The following PCDH11X variants were observed in gnomAD, a reference collection of about 807,000 sequenced individuals.
The protein encoded by PCDH11X is protocadherin 11 X-linked, also known as protocadherin-11 X-linked.
Under a neutral mutation model 53.3 loss-of-function variants are expected in PCDH11X, and 18 were observed. The observed-to-expected ratio is 0.34, with a 90% CI of 0.23 to 0.50. PCDH11X has a LOEUF of 0.50. PCDH11X is among the 20% of genes least tolerant of loss of function. PCDH11X has a pLI of 0.98. For synonymous variants in PCDH11X, 279 were observed against 393.3 expected (o/e 0.71, Z 3.44); for missense variants, 570 against 1,032.4 (o/e 0.55, Z 6.14).
intron 4 of PCDH11X, among the ~76,000 whole-genome samples, chrX:91,825,413 A>G (rs1380911502): frequency 1.8e-5 from 2 of 111,754 alleles, no homozygotes; most frequent in Non-Finnish European, 3.8e-5. Flanking sequence ...AAAGCACAGT[A>G]TTCGGGTGGG....
intron 10 of PCDH11X, among the ~76,000 whole-genome samples, chrX:92,544,059 C>A (rs1344872750): frequency 9.2e-6 from 1 of 108,132 alleles, no homozygotes; most frequent in Admixed American, 1.0e-4. Context: ...AACTAGTATG[C>A]TCGGGGGTTA....
rs1603295653 is a variant in PCDH11X at position 92,382,920 on chromosome X, C to T, written c.3145-4815C>T. Among the ~76,000 whole-genome samples the T allele has an allele frequency of 3.7e-5, 4 of 109,377 alleles. No individual in the cohort carries two copies. The Admixed American group carries it at 3.9e-4, about 11-fold the overall frequency. The allele number at this position is 109,377 out of a possible 115,157, so 95.0% of individuals were successfully genotyped here. On this transcript the variant is annotated intron_variant, in intron 8 of 10. Coordinates refer to ENST00000682573, the MANE Select transcript of PCDH11X (RefSeq NM_032968.5). ...AATGTAGTAGCCCTTTTATACTGCACAATAATTATCTTTAACCAGCTTTTC... is the reference window on the plus strand; with the variant it reads ...AATGTAGTAGCCCTTTTATACTGCATAATAATTATCTTTAACCAGCTTTTC...
At chrX:92,563,370 T>A (rs1357371783) in intron 10 of PCDH11X, among the ~76,000 whole-genome samples, 1 of 108,364 alleles carries the variant, frequency 9.2e-6, no homozygotes, top group African/African-American at 3.4e-5. Context: ...AATCCTTTTA[T>A]GAGAAATCTT....
At chrX:92,449,614 G>A (rs2072737284) in intron 9 of PCDH11X, among the ~76,000 whole-genome samples, 1 of 111,780 alleles carries the variant, frequency 8.9e-6, no homozygotes, top group Non-Finnish European at 1.9e-5. Context: ...TAATGATAGA[G>A]CATGGGTTAA....
At chrX:92,520,017 G>A (rs1330934899) in intron 10 of PCDH11X, among the ~76,000 whole-genome samples, 1 of 106,413 alleles carries the variant, frequency 9.4e-6, no homozygotes, top group Non-Finnish European at 1.9e-5. Context: ...AGAGGAGATA[G>A]GATAATTAGA....
chrX:92,217,482 C>A (rs201245866), intron 7 of PCDH11X, among the ~76,000 whole-genome samples: 17,948 of 97,896 alleles, frequency 0.18, 1,315 homozygotes, highest in Admixed American at 0.33. Context: ...GTAAAGGGAT[C>A]AATTCAACAA....
At chrX:92,489,515 C>T (rs1603344525) in intron 10 of PCDH11X, among the ~76,000 whole-genome samples, 2 of 109,698 alleles carry the variant, frequency 1.8e-5, no homozygotes, top group East Asian at 2.9e-4. Context: ...TCTTCTTGGG[C>T]AGAGCCAAGT....
At chrX:92,523,411 G>A (rs777147934) in intron 10 of PCDH11X, among the ~76,000 whole-genome samples, 1 of 112,116 alleles carries the variant, frequency 8.9e-6, no homozygotes, top group South Asian at 3.7e-4. Context: ...GTGTTAGAGA[G>A]CTGTGAGCTA....
chrX:92,479,482 G>T (rs967835898), intron 10 of PCDH11X, among the ~76,000 whole-genome samples: 4 of 104,533 alleles, frequency 3.8e-5, no homozygotes, highest in African/African-American at 1.4e-4. Flanking sequence ...GTATGTTTTT[G>T]TAGTGGCTGG....
intron 8 of PCDH11X, among the ~76,000 whole-genome samples, chrX:92,296,372 T>A (rs1205589312): frequency 9.1e-6 from 1 of 109,372 alleles, no homozygotes; most frequent in African/African-American, 3.4e-5. Context: ...ACCTGACAGG[T>A]AGTTTGTTGG....
chrX:91,939,244 C>A (rs1190540697), intron 6 of PCDH11X, among the ~76,000 whole-genome samples: 1 of 110,400 alleles, frequency 9.1e-6, no homozygotes, highest in Non-Finnish European at 1.9e-5. Context: ...AGTAGACATG[C>A]AAGAAGAAAA....
At chrX:91,826,418 A>G (rs888751514) in intron 4 of PCDH11X, among the ~76,000 whole-genome samples, 131 of 107,682 alleles carry the variant, frequency 1.2e-3, no homozygotes, top group African/African-American at 4.3e-3. Flanking sequence ...TATAAATGCA[A>G]ATTCCATTTT....
At chrX:92,035,247 G>T (rs942241107) in intron 6 of PCDH11X, among the ~76,000 whole-genome samples, 3 of 111,457 alleles carry the variant, frequency 2.7e-5, no homozygotes, top group Non-Finnish European at 5.7e-5. Flanking sequence ...TATACCTTGG[G>T]ATGATTTCTT....
intron 9 of PCDH11X, among the ~76,000 whole-genome samples, chrX:92,412,194 T>C (rs2071692210): frequency 9.3e-6 from 1 of 107,363 alleles, no homozygotes; most frequent in Admixed American, 1.0e-4. Flanking sequence ...GATTTCCCTG[T>C]TGCCAAAATA....
At chrX:92,521,963 A>C (rs1269055966) in intron 10 of PCDH11X, among the ~76,000 whole-genome samples, 3 of 112,073 alleles carry the variant, frequency 2.7e-5, no homozygotes, top group Non-Finnish European at 5.6e-5. Context: ...AGCTTAAAGG[A>C]ATGTTGGGAC....
chrX:92,570,688 C>T (rs2148773379), intron 10 of PCDH11X, among the ~76,000 whole-genome samples: 1 of 100,933 alleles, frequency 9.9e-6, no homozygotes, highest in South Asian at 4.9e-4. Context: ...CAGGGTACTC[C>T]AGCATAATAT....
intron 8 of PCDH11X, among the ~76,000 whole-genome samples, chrX:92,281,106 A>C (rs772381695): frequency 2.8e-4 from 31 of 111,302 alleles, no homozygotes; most frequent in African/African-American, 9.8e-4. Context: ...CAATCATTGA[A>C]CTAAACAGAC....
At chrX:92,086,185 C>G (rs1323439302) in intron 6 of PCDH11X, among the ~76,000 whole-genome samples, 1 of 111,229 alleles carries the variant, frequency 9.0e-6, no homozygotes, top group Admixed American at 9.6e-5. Context: ...AAGATTTTGA[C>G]TGAAGGTTGC....
chrX:91,828,517 A>T (rs1191740132), intron 4 of PCDH11X, among the ~76,000 whole-genome samples: 1 of 110,833 alleles, frequency 9.0e-6, no homozygotes, highest in Non-Finnish European at 1.9e-5. Context: ...TTAATTGGTT[A>T]TCCATTTTTT....
Sources: gnomAD v4.1 joint callset for allele counts (sites outside exome capture counted in the v4.1 genomes callset) on GRCh38, gnomAD v4.1.1 for gene constraint, MANE v1.5 for transcripts, NCBI Gene and HGNC (gene_info 2026-07-23, HGNC 2026-07-21) for gene names.